Variants in ADSS1 observed in about 807,000 individuals in gnomAD.
ADSS1 encodes the protein adenylosuccinate synthase 1, also known as adenylosuccinate synthetase isozyme 1.
Under a neutral mutation model 59.1 loss-of-function variants are expected in ADSS1, and 57 were observed. The ratio of observed to expected loss-of-function variants is 0.97; its 90% CI spans 0.78 to 1.20. The LOEUF (loss-of-function observed/expected upper bound fraction) is 1.20. Ranked by LOEUF, ADSS1 falls within the 50% of genes most tolerant of loss-of-function variation. The probability of loss-of-function intolerance (pLI) is 0.00; values close to 1 mark genes in which losing one functional copy is unlikely to be tolerated. For synonymous variants in ADSS1, 247 were observed against 249.4 expected (o/e 0.99, Z 0.09); for missense variants, 603 against 610.3 (o/e 0.99, Z 0.13).
chr14:104,735,576 C>T (rs1217829616), intron 2 of ADSS1, among the ~76,000 whole-genome samples: 2 of 152,204 alleles, frequency 1.3e-5, no homozygotes, highest in African/African-American at 4.8e-5. Flanking sequence ...CCGGCCCTGC[C>T]GAGCCATGTG....
intron 2 of ADSS1, among the ~76,000 whole-genome samples, chr14:104,736,415 G>A (rs983130337): frequency 2.6e-5 from 4 of 152,368 alleles, no homozygotes; most frequent in South Asian, 2.1e-4. Flanking sequence ...CTTAGCAAGC[G>A]GCAGGACGTG....
At chr14:104,739,919 C>A in intron 5 of ADSS1, 103 bp downstream of exon 5, 1 of 1,246,110 alleles carries the variant, frequency 8.0e-7, no homozygotes. Context: ...GAGGGTACCT[C>A]AACCCACTCA....
chr14:104,727,196 TG>T (rs1890739983), intron 1 of ADSS1, among the ~76,000 whole-genome samples: 1 of 152,190 alleles, frequency 6.6e-6, no homozygotes, highest in Non-Finnish European at 1.5e-5. Flanking sequence ...AGAGTGCATC[TG>T]GGGGCCCCTG....
chr14:104,726,108 GCCAC>G lies in ADSS1; in HGVS notation c.192+1649_192+1652del, dbSNP rs1890712304. Among the ~76,000 whole-genome samples, 4 of 152,344 alleles carry G rather than the reference GCCAC, an allele frequency of 2.6e-5. No individual in the cohort carries two copies. In the South Asian group the frequency reaches 8.3e-4, roughly 32 times the overall value. ...GCCCCCGCCAGGCCACCCCCACCAGGCCACCCTATAGCCTGAGGGAGCCCCTGGC... is the reference window on the plus strand; with the variant it reads ...GCCCCCGCCAGGCCACCCCCACCAGGCCTATAGCCTGAGGGAGCCCCTGGC... On this transcript the variant is annotated intron_variant, in intron 1 of 12. Coordinates refer to ENST00000330877, the MANE Select transcript of ADSS1 (RefSeq NM_152328.5).
At chr14:104,726,063 C>T (rs1034795218) in intron 1 of ADSS1, among the ~76,000 whole-genome samples, 1 of 152,224 alleles carries the variant, frequency 6.6e-6, no homozygotes, top group African/African-American at 2.4e-5. Context: ...GAGCCCATCC[C>T]GCACTCCGGC....
Position 104,746,346 on chromosome 14 carries a change from A to G in ADSS1, c.1282A>G (p.Asn428Asp), listed in dbSNP as rs201783004. The G allele has an allele frequency of 1.1e-5, 17 of 1,613,596 alleles. No homozygotes were observed. The East Asian group carries it at 3.6e-4, about 34-fold the overall frequency. The change falls in exon 12 of 13, where the codon AAC becomes GAC. Residue 428 changes from asparagine (N) to aspartate (D), a missense_variant. Coordinates refer to ENST00000330877, the MANE Select transcript of ADSS1 (RefSeq NM_152328.5). ...GGAGGACCTGCCCCCACAGGCCCAG[A>G]ACTACATCCGCTTTGTGGAGAATCA... Reference protein sequence around the residue: ...RWEDLPPQAQNYIRFVENHVG... With the variant: ...RWEDLPPQAQDYIRFVENHVG...
chr14:104,729,591 G>T (rs1254916261), intron 1 of ADSS1: 45 of 193,496 alleles, frequency 2.3e-4, no homozygotes, highest in East Asian at 4.2e-4. Context: ...GGCGTGGTGG[G>T]GAGGAGCGTG....
intron 1 of ADSS1, among the ~76,000 whole-genome samples, chr14:104,731,178 A>T (rs142940960): frequency 6.6e-6 from 1 of 152,208 alleles, no homozygotes; most frequent in Non-Finnish European, 1.5e-5. Flanking sequence ...ATCCATCTTC[A>T]TATCGTCTCT....
chr14:104,729,895 G>T lies in ADSS1; in HGVS notation c.193-5125G>T, dbSNP rs150558753. On this transcript the variant is annotated intron_variant, in intron 1 of 12. Coordinates refer to ENST00000330877, the MANE Select transcript of ADSS1 (RefSeq NM_152328.5). ...GTGGGGAGGAGCGTGGCGTCGGCAT[G>T]GTGGGGAGGAGCTGTGGGGTGGCAA... The T allele has an allele frequency of 1.3e-6, 2 of 1,504,904 alleles. No individual in the cohort carries two copies. The highest frequency in any genetic ancestry group is 3.0e-5 in the African/African-American group (2 of 66,402). 93.2% of individuals were successfully genotyped at this position (1,504,904 alleles called of 1,614,324 possible). A position where few individuals can be genotyped will look rare whatever the true frequency, so the allele number is the denominator to read the frequency against.
At chr14:104,736,594 C>T (rs1274316637) in intron 2 of ADSS1, among the ~76,000 whole-genome samples, 1 of 152,202 alleles carries the variant, frequency 6.6e-6, no homozygotes, top group African/African-American at 2.4e-5. Context: ...TGAGCCTGTG[C>T]CATGGCCAGC....
At position 104,740,085 on chromosome 14, in the gene ADSS1, C is replaced by G. The variant is rs991631152; in HGVS notation, c.476+269C>G. On this transcript the variant is annotated intron_variant, in intron 5 of 12. Transcript: ENST00000330877. This position sits in a 1 kb window ranked among gnomAD's most constrained non-coding sequence, Gnocchi z 4.8. ...GTGCATAAGCCCTACCGTCACCTGTCACACCCACCACCTTTCCTGACTCCA... is the reference window on the plus strand; with the variant it reads ...GTGCATAAGCCCTACCGTCACCTGTGACACCCACCACCTTTCCTGACTCCA... Among the ~76,000 whole-genome samples the G allele has an allele frequency of 6.6e-6, 1 of 152,162 alleles. No homozygotes were observed. Among genetic ancestry groups the G allele is most frequent in the Non-Finnish European group, 1.5e-5 (1 of 68,020 alleles).
At position 104,744,927 on chromosome 14, in the gene ADSS1, A is replaced by G. The variant is rs1359622289; in HGVS notation, c.1171+18A>G. The G allele has an allele frequency of 1.2e-6, 2 of 1,611,544 alleles. No homozygotes were observed. The highest frequency in any genetic ancestry group is 2.2e-5 in the East Asian group (1 of 44,856). ...TTTCCCAGGTATGTGAAGTGGGGCA[A>G]CCGTTCTGCCTGTTGGGCCGTTTCA... On this transcript the variant is annotated intron_variant, in intron 11 of 12. Coordinates refer to ENST00000330877, the MANE Select transcript of ADSS1 (RefSeq NM_152328.5).
chr14:104,742,588 C>T (rs900202499), intron 9 of ADSS1, among the ~76,000 whole-genome samples: 1 of 152,250 alleles, frequency 6.6e-6, no homozygotes, highest in Non-Finnish European at 1.5e-5. Context: ...GCCCTTGTGC[C>T]TGAGCAGGAG....
In ADSS1 at chr14:104,740,323, C is replaced by T. The variant is rs1006527114; in HGVS notation, c.477-278C>T. Among the ~76,000 whole-genome samples, 37 of 152,046 alleles carry T rather than the reference C, an allele frequency of 2.4e-4. No homozygotes were observed. Among genetic ancestry groups the T allele is most frequent in the Non-Finnish European group, 4.0e-4 (27 of 68,010 alleles). On this transcript the variant is annotated intron_variant, in intron 5 of 12. Coordinates refer to ENST00000330877, the MANE Select transcript of ADSS1 (RefSeq NM_152328.5). The surrounding 1 kb of genome is among the most constrained non-coding windows in gnomAD (Gnocchi z 4.8). ...TCGCACAGTTATGCACATGTGCACA[C>T]GCCACACAAGCCCACACACCCACGC...
chr14:104,727,034 C>G (rs1890735206), intron 1 of ADSS1, among the ~76,000 whole-genome samples: 1 of 152,224 alleles, frequency 6.6e-6, no homozygotes, highest in African/African-American at 2.4e-5. Context: ...CTCTCAAGCC[C>G]CCTGGTGGCC....
intron 10 of ADSS1, 152 bp downstream of exon 10, chr14:104,743,343 G>C (rs1566802708): frequency 8.5e-7 from 1 of 1,178,372 alleles, no homozygotes; most frequent in Non-Finnish European, 1.2e-6. Context: ...GCACGGCCCA[G>C]AGGTTAGCGG....
At chr14:104,734,918 G>A in intron 1 of ADSS1, 102 bp from the exon 2 acceptor site, 1 of 959,382 alleles carries the variant, frequency 1.0e-6, no homozygotes, top group Non-Finnish European at 1.6e-6. Context: ...AAATCCAACA[G>A]CAGTGCCCTG....
intron 1 of ADSS1, among the ~76,000 whole-genome samples, chr14:104,730,927 C>G (rs1162933858): frequency 8.6e-6 from 1 of 116,070 alleles, no homozygotes; most frequent in South Asian, 2.7e-4. Flanking sequence ...CCCCTAGGGA[C>G]TGTGAGTGAC....
chr14:104,744,779 C>A, intron 10 of ADSS1, 33 bp from the exon 11 acceptor site: 1 of 1,608,558 alleles, frequency 6.2e-7, no homozygotes, highest in Non-Finnish European at 8.5e-7. Context: ...CTGACCACTT[C>A]TTGGGTTTGC....
Sources: allele counts gnomAD v4.1 joint callset (sites outside exome capture counted in the v4.1 genomes callset), GRCh38; gene constraint gnomAD v4.1.1; non-coding constraint Gnocchi (gnomAD v3.1); transcripts MANE v1.5; gene names NCBI Gene and HGNC (gene_info 2026-07-23, HGNC 2026-07-21).